The following CDK4 variants were observed in gnomAD, a reference collection of about 807,000 sequenced individuals.
CDK4 encodes cyclin dependent kinase 4.
A neutral mutation model predicts 36.7 loss-of-function variants in CDK4; 13 were observed. That is an observed-to-expected ratio of 0.35 (90% confidence interval 0.23 to 0.56). The LOEUF (loss-of-function observed/expected upper bound fraction) is 0.56, where lower values mean the gene tolerates loss of function less well. Ranked by LOEUF, CDK4 falls within the 20% of genes least tolerant of loss-of-function variation. The probability of loss-of-function intolerance (pLI) is 0.85; values close to 1 mark genes in which losing one functional copy is unlikely to be tolerated. For missense variants in CDK4, 285 were observed against 387.3 expected, an observed-to-expected ratio of 0.74 and a Z score of 2.22; for synonymous variants, 158 against 146.4, an observed-to-expected ratio of 1.08 and a Z score of -0.57.
chr12:57,750,153 C>CAATAAATAAATAAATA (rs140233512), intron 5 of CDK4: 4 of 142,042 alleles, frequency 2.8e-5, no homozygotes, highest in African/African-American at 7.9e-5. Flanking sequence ...AACCTTATCT[C>CAATAAATAAATAAATA]AATAAATAAA....
In CDK4 at chr12:57,751,151, A is replaced by C; in HGVS notation, c.354+56T>G. The stretch of plus-strand genomic sequence containing the variant: ...CTAGGCACCATACCTGAAATCCCAG[A>C]AGGTTCTACTACAAAGGTCCCAATC... On this transcript the variant is annotated intron_variant, in intron 3 of 7. Coordinates refer to ENST00000257904, the MANE Select transcript of CDK4 (RefSeq NM_000075.4). This position sits in a 1 kb window ranked among gnomAD's most constrained non-coding sequence, Gnocchi z 4.5. The C allele has an allele frequency of 6.2e-7, 1 of 1,614,150 alleles. No individual in the cohort carries two copies. The highest frequency in any genetic ancestry group is 8.5e-7 in the Non-Finnish European group (1 of 1,180,010).
rs1555201101 is a variant in CDK4 at position 57,749,262 on chromosome 12, C to A, written c.739G>T (p.Gly247Ter). 2.5e-6 allele frequency: 4 copies of A among 1,614,156 alleles called. No homozygotes were observed. The highest frequency in any genetic ancestry group is 3.4e-6 in the Non-Finnish European group (4 of 1,179,992). Residue 247 changes from glycine (G) to a stop codon, truncating the protein, a stop_gained, in exon 7 of 8, where the codon GGA becomes TGA. Coordinates refer to ENST00000257904, the MANE Select transcript of CDK4 (RefSeq NM_000075.4). LOFTEE classifies it high-confidence loss of function. ...DWPRDVSLPR[G>*]AFPPRGPRPV... ...CGGGGCCCTCTGGGGGGAAAGGCTC[C>A]ACGGGGCAGGGATACATCTCGAGGC... is the stretch of plus-strand genomic sequence containing the variant.
chr12:57,750,949 T>C lies in CDK4; in HGVS notation c.496A>G (p.Ser166Gly), dbSNP rs1487656600. 1 of 1,614,206 alleles carries C rather than the reference T, an allele frequency of 6.2e-7. No individual in the cohort carries two copies. Among genetic ancestry groups the C allele is most frequent in the Admixed American group, 1.7e-5 (1 of 60,026 alleles). ...ACGGGTGTAAGTGCCATCTGGTAGCTGTAGATTCTGGCCAGGCCAAAGTCA... is the reference window on the plus strand; with the variant it reads ...ACGGGTGTAAGTGCCATCTGGTAGCCGTAGATTCTGGCCAGGCCAAAGTCA... Reference protein sequence around the residue: ...LADFGLARIYSYQMALTPVVV... With the variant: ...LADFGLARIYGYQMALTPVVV... Residue 166 changes from serine to glycine, a missense_variant, in exon 4 of 8, where the codon AGC becomes GGC. Ser to Gly is a moderately conservative substitution (Grantham distance 56). Coordinates refer to ENST00000257904, the MANE Select transcript of CDK4 (RefSeq NM_000075.4).
rs2140384011 is a variant in CDK4 at position 57,749,510 on chromosome 12, G to A, written c.633-6C>T. 1 of 1,613,956 alleles carries A rather than the reference G, an allele frequency of 6.2e-7. No individual in the cohort carries two copies. The highest frequency in any genetic ancestry group is 8.5e-7 in the Non-Finnish European group (1 of 1,179,794). ...AGTTTCCACAGAAGAGAGGCCTAAGGTGAGAAGGGATATAAGGTAGCAGTC... is the reference window on the plus strand; with the variant it reads ...AGTTTCCACAGAAGAGAGGCCTAAGATGAGAAGGGATATAAGGTAGCAGTC... On this transcript the variant is annotated splice_polypyrimidine_tract_variant and splice_region_variant and intron_variant, in intron 5 of 7. Coordinates refer to ENST00000257904, the MANE Select transcript of CDK4 (RefSeq NM_000075.4).
chr12:57,748,445 G>T lies in CDK4; in HGVS notation c.*80C>A. 1 of 1,036,746 alleles carries T rather than the reference G, an allele frequency of 9.6e-7. No homozygotes were observed. The highest frequency in any genetic ancestry group is 1.5e-6 in the Non-Finnish European group (1 of 656,614). 64.2% of individuals were successfully genotyped at this position (1,036,746 alleles called of 1,614,324 possible). A position where few individuals can be genotyped will look rare whatever the true frequency, so the allele number is the denominator to read the frequency against. ...GAGGAGGACCCTCCATAGCCTCAGAGATAAAGGCAAAGATTGCCCTCTCAG... is the reference window on the plus strand; with the variant it reads ...GAGGAGGACCCTCCATAGCCTCAGATATAAAGGCAAAGATTGCCCTCTCAG... On this transcript the variant is annotated 3_prime_UTR_variant, in exon 8 of 8. Transcript: ENST00000257904.
chr12:57,751,427 A>C lies in CDK4; in HGVS notation c.218+73T>G, dbSNP rs1955235900. On this transcript the variant is annotated intron_variant, in intron 2 of 7. Transcript: ENST00000257904. This position sits in a 1 kb window ranked among gnomAD's most constrained non-coding sequence, Gnocchi z 4.5. ...TTCCTCAGGGTCCCCACTTCTCTAC[A>C]GATCATCACACCCCACCTATAGGCT... The C allele has an allele frequency of 6.2e-7, 1 of 1,609,762 alleles. No homozygotes were observed. The highest frequency in any genetic ancestry group is 1.3e-5 in the African/African-American group (1 of 74,782).
Position 57,752,270 on chromosome 12 carries a change from C to G in CDK4, c.-115G>C. 5.0e-6 allele frequency: 1 copy of G among 199,350 alleles called. No individual in the cohort carries two copies. Among genetic ancestry groups the G allele is most frequent in the East Asian group, 1.2e-4 (1 of 8,030 alleles). 12.3% of individuals were successfully genotyped at this position (199,350 alleles called of 1,614,324 possible). The stretch of plus-strand genomic sequence containing the variant: ...TACACCCGAGCTCGGTCCGGAGCAG[C>G]TGGACGCAGAGGGCCCGACCATAGA... On this transcript the variant is annotated 5_prime_UTR_variant, in exon 1 of 8. Coordinates refer to ENST00000257904, the MANE Select transcript of CDK4 (RefSeq NM_000075.4).
intron 7 of CDK4, chr12:57,748,863 C>G (rs3211627): frequency 1.3e-5 from 7 of 549,500 alleles, no homozygotes; most frequent in African/African-American, 7.5e-5. Flanking sequence ...GTGCCACCAC[C>G]CCCGGCTTAT....
intron 7 of CDK4, chr12:57,748,859 C>T (rs1394945532): frequency 1.3e-5 from 7 of 552,002 alleles, no homozygotes; most frequent in Non-Finnish European, 2.3e-5. Flanking sequence ...GCGTGTGCCA[C>T]CACCCCCGGC....
chr12:57,750,274 T>C (rs1226757377), intron 5 of CDK4: 2 of 278,230 alleles, frequency 7.2e-6, no homozygotes, highest in Non-Finnish European at 1.4e-5. Context: ...GGCAAGTTAG[T>C]AGTACGCAAG....
chr12:57,749,446 T>A lies in CDK4; in HGVS notation c.683+8A>T, dbSNP rs1446831422. 1.2e-6 allele frequency: 2 copies of A among 1,614,148 alleles called. No individual in the cohort carries two copies. Among genetic ancestry groups the A allele is most frequent in the Non-Finnish European group, 1.7e-6 (2 of 1,179,962 alleles). On this transcript the variant is annotated splice_region_variant and intron_variant, in intron 6 of 7. Transcript: ENST00000257904. ...AGAAAATCTTTTTCTCCCATGTTGG[T>A]CACTTACTCAAAGATTTTGCCCAAC... is the stretch of plus-strand genomic sequence containing the variant.
At chr12:57,750,487 A>G (rs1477924654) in intron 5 of CDK4, 169 bp downstream of exon 5, 1 of 667,954 alleles carries the variant, frequency 1.5e-6, no homozygotes, top group Non-Finnish European at 2.8e-6. Flanking sequence ...GGATCACTTG[A>G]GCCCAGGAGG....
intron 5 of CDK4, 71 bp from the exon 6 acceptor site, chr12:57,749,575 G>T: frequency 6.9e-7 from 1 of 1,444,560 alleles, no homozygotes; most frequent in Non-Finnish European, 9.7e-7. Context: ...ACTGCTTAGT[G>T]GCTCAAAATA....
Position 57,752,232 on chromosome 12 carries a change from T to C in CDK4, c.-77A>G. On this transcript the variant is annotated 5_prime_UTR_variant, in exon 1 of 8. Coordinates refer to ENST00000257904, the MANE Select transcript of CDK4 (RefSeq NM_000075.4). The stretch of plus-strand genomic sequence containing the variant: ...CCGTTATCGGGGCCCCGGAGCCGGT[T>C]CCTACGGCCCCATACACCCGAGCTC... The C allele has an allele frequency of 4.0e-6, 1 of 248,390 alleles. No homozygotes were observed. The highest frequency in any genetic ancestry group is 7.9e-6 in the Non-Finnish European group (1 of 125,960). The allele number at this position is 248,390 out of a possible 1,614,324, so 15.4% of individuals were successfully genotyped here.
At position 57,748,567 on chromosome 12, in the gene CDK4, C is replaced by G. The variant is rs1299338481; in HGVS notation, c.870G>C (p.Leu290=). ...CATCCTTATGTAGATAAGAGTGCTG[C>G]AGAGCTCGAAAGGCAGAGATTCGCT... The part of the protein sequence containing the change: ...PHKRISAFRA[L]QHSYLHKDEG... The change falls in exon 8 of 8, where the codon CTG becomes CTC. Residue 290 remains leucine (L), a synonymous_variant. Transcript: ENST00000257904. The G allele has an allele frequency of 5.6e-6, 9 of 1,613,908 alleles. No homozygotes were observed. Among genetic ancestry groups the G allele is most frequent in the South Asian group, 5.5e-5 (5 of 91,082 alleles).
At chr12:57,750,114 A>T (rs1260588392) in intron 5 of CDK4, 3 of 152,604 alleles carry the variant, frequency 2.0e-5, no homozygotes, top group African/African-American at 7.3e-5. Flanking sequence ...TAATTGGGCC[A>T]CTGCACTCCA....
chr12:57,752,190 G>C lies in CDK4; in HGVS notation c.-35C>G. ...CTGCACTTACCTCACGCCAGCCCGG[G>C]GTGCTGTGGGGGCGGCCCGTTATCG... On this transcript the variant is annotated 5_prime_UTR_variant, in exon 1 of 8. Transcript: ENST00000257904. The C allele has an allele frequency of 3.9e-6, 1 of 253,944 alleles. No homozygotes were observed. Among genetic ancestry groups the C allele is most frequent in the Non-Finnish European group, 7.8e-6 (1 of 128,902 alleles). The allele number at this position is 253,944 out of a possible 1,614,324, so 15.7% of individuals were successfully genotyped here. A position where few individuals can be genotyped will look rare whatever the true frequency, so the allele number is the denominator to read the frequency against.
chr12:57,751,126 C>T lies in CDK4; in HGVS notation c.355-36G>A, dbSNP rs1401607575. 1 of 1,614,178 alleles carries T rather than the reference C, an allele frequency of 6.2e-7. No homozygotes were observed. ...AGGGGAGGTACAGATGCACTGGAAA[C>T]TAGGCACCATACCTGAAATCCCAGA... is the stretch of plus-strand genomic sequence containing the variant. On this transcript the variant is annotated intron_variant, in intron 3 of 7. Transcript: ENST00000257904. This position sits in a 1 kb window ranked among gnomAD's most constrained non-coding sequence, Gnocchi z 4.5.
At chr12:57,750,196 T>TAAATAAATAAATAAATAAAA (rs1272401139) in intron 5 of CDK4, 1 of 118,714 alleles carries the variant, frequency 8.4e-6, no homozygotes, top group African/African-American at 3.0e-5. Context: ...AATAAATAAA[T>TAAATAAATAAATAAATAAAA]AAAAAATAAA....
Sources: gnomAD v4.1 joint callset for allele counts on GRCh38, gnomAD v4.1.1 for gene constraint, Gnocchi (gnomAD v3.1) non-coding constraint, MANE v1.5 for transcripts, NCBI Gene and HGNC (gene_info 2026-07-23, HGNC 2026-07-21) for gene names.